Variants in KRT80 observed in about 807,000 individuals in gnomAD.
The protein encoded by KRT80 is keratin, type II cytoskeletal 80.
A neutral mutation model predicts 51.5 loss-of-function variants in KRT80; 36 were observed. The ratio of observed to expected loss-of-function variants is 0.70; its 90% CI spans 0.54 to 0.92. The LOEUF is 0.92. Ranked by LOEUF, KRT80 falls within the 40% of genes least tolerant of loss-of-function variation. The pLI is 0.00. For synonymous variants in KRT80, 235 were observed against 248.3 expected, an observed-to-expected ratio of 0.95 and a Z score of 0.50; for missense variants, 566 against 591.7, an observed-to-expected ratio of 0.96 and a Z score of 0.45.
chr12:52,181,729 G>C (rs1259630438), intron 2 of KRT80, among the ~76,000 whole-genome samples: 1 of 152,122 alleles, frequency 6.6e-6, no homozygotes, highest in Non-Finnish European at 1.5e-5. Flanking sequence ...CAAGGACACC[G>C]TTGGGTGGGG....
chr12:52,172,926 C>G, intron 6 of KRT80, 112 bp downstream of exon 6: 3 of 1,321,048 alleles, frequency 2.3e-6, no homozygotes, highest in Non-Finnish European at 3.1e-6. Flanking sequence ...CACAGAGGCG[C>G]TAAGCGACCC....
intron 2 of KRT80, among the ~76,000 whole-genome samples, chr12:52,184,015 G>T (rs1179770499): frequency 1.1e-5 from 1 of 89,730 alleles, no homozygotes; most frequent in East Asian, 2.3e-4. Flanking sequence ...CTCCGGAGGG[G>T]CGGTCAGATG....
intron 4 of KRT80, among the ~76,000 whole-genome samples, chr12:52,179,148 G>A (rs991678452): frequency 9.2e-5 from 14 of 152,212 alleles, no homozygotes; most frequent in Middle Eastern, 3.2e-3. Context: ...ATCTAGGCTC[G>A]GCAGAATCTG....
Position 52,180,574 on chromosome 12 carries a change from A to G in KRT80, c.605T>C (p.Leu202Pro). 6.7e-7 allele frequency: 1 copy of G among 1,492,152 alleles called. No individual in the cohort carries two copies. Among genetic ancestry groups the G allele is most frequent in the Non-Finnish European group, 8.9e-7 (1 of 1,121,496 alleles). The allele number at this position is 1,492,152 out of a possible 1,614,324, so 92.4% of individuals were successfully genotyped here. The part of the protein sequence containing the change: ...LDAECLHRTE[L>P]ETKLKSLESF... ...CTCCAGGCTTTTTAACTTGGTTTCC[A>G]GTTCAGTCCGATGAAGACACTCTGC... Residue 202 changes from leucine to proline, a missense_variant, in exon 4 of 9, where the codon CTG becomes CCG. Leu to Pro is a moderately conservative substitution (Grantham distance 98). Transcript: ENST00000394815.
intron 4 of KRT80, among the ~76,000 whole-genome samples, chr12:52,174,449 G>A (rs569374619): frequency 1.3e-5 from 2 of 152,212 alleles, no homozygotes; most frequent in African/African-American, 4.8e-5. Context: ...GAGACTCAGC[G>A]CCCACTCCCT....
chr12:52,182,754 C>A (rs1941344571), intron 2 of KRT80, among the ~76,000 whole-genome samples: 1 of 152,158 alleles, frequency 6.6e-6, no homozygotes, highest in African/African-American at 2.4e-5. Flanking sequence ...CTGGAGGGAG[C>A]ATCCTCACGG....
At chr12:52,176,776 C>T (rs1210814189) in intron 4 of KRT80, among the ~76,000 whole-genome samples, 4 of 152,192 alleles carry the variant, frequency 2.6e-5, no homozygotes, top group Admixed American at 6.5e-5. Context: ...CCACTGTGCC[C>T]GGCCAATCAC....
intron 1 of KRT80, among the ~76,000 whole-genome samples, chr12:52,190,788 G>A (rs534496126): frequency 6.6e-6 from 1 of 152,194 alleles, no homozygotes; most frequent in Admixed American, 6.5e-5. Context: ...AGGGTGCAGA[G>A]TCAGGAGGAG....
chr12:52,173,599 C>T lies in KRT80; in HGVS notation c.831+1G>A. 2.5e-6 allele frequency: 4 copies of T among 1,612,262 alleles called. No homozygotes were observed. The highest frequency in any genetic ancestry group is 3.4e-6 in the Non-Finnish European group (4 of 1,179,844). ...CTCGTGCCCTGTGTGGTCAGCCCCA[C>T]CTGGCTCCGAGAGTATGCCTCGGCC... On this transcript the variant is annotated splice_donor_variant, in intron 5 of 8. Transcript: ENST00000394815. LOFTEE classifies it high-confidence loss of function.
intron 6 of KRT80, 68 bp from the exon 7 acceptor site, chr12:52,172,486 G>A: frequency 1.4e-6 from 2 of 1,427,626 alleles, no homozygotes; most frequent in South Asian, 1.3e-5. Flanking sequence ...AGGGCCAGGA[G>A]TCGTCTCTGT....
chr12:52,189,988 A>G (rs2120951366), intron 1 of KRT80, among the ~76,000 whole-genome samples: 1 of 152,328 alleles, frequency 6.6e-6, no homozygotes, highest in Non-Finnish European at 1.5e-5. Flanking sequence ...CTTCTAAGGG[A>G]TTAAACTGGG....
At chr12:52,175,594 C>T (rs1941204644) in intron 4 of KRT80, among the ~76,000 whole-genome samples, 1 of 152,092 alleles carries the variant, frequency 6.6e-6, no homozygotes, top group Non-Finnish European at 1.5e-5. Context: ...ACTGACTCTG[C>T]CCACCAGCAC....
intron 2 of KRT80, among the ~76,000 whole-genome samples, chr12:52,182,621 G>C (rs191369283): frequency 6.6e-6 from 1 of 152,222 alleles, no homozygotes; most frequent in African/African-American, 2.4e-5. Context: ...CACAGCACAG[G>C]TGCCTCTCTG....
At chr12:52,185,341 T>C in intron 2 of KRT80, 38 bp downstream of exon 2, 3 of 1,573,426 alleles carry the variant, frequency 1.9e-6, no homozygotes, top group Non-Finnish European at 2.6e-6. Context: ...GTCCCAGCCC[T>C]CAGGCCTTGC....
At chr12:52,188,349 T>C (rs967252950) in intron 1 of KRT80, among the ~76,000 whole-genome samples, 2 of 152,262 alleles carry the variant, frequency 1.3e-5, no homozygotes, top group East Asian at 1.9e-4. Flanking sequence ...AGTTGAAAAG[T>C]AGGGCCAGGT....
chr12:52,183,474 A>G (rs1296494992), intron 2 of KRT80, among the ~76,000 whole-genome samples: 1 of 152,180 alleles, frequency 6.6e-6, no homozygotes, highest in East Asian at 1.9e-4. Flanking sequence ...TAGGCTCTGC[A>G]CAGTCAGGCT....
At position 52,182,423 on chromosome 12, in the gene KRT80, G is replaced by T. The variant is rs73309500; in HGVS notation, c.510-1460C>A. On this transcript the variant is annotated intron_variant, in intron 2 of 8. Transcript: ENST00000394815. ...GATGAAGCAAGGGGACCAGAGCCAG[G>T]CTACTTGGGCTGAAATCCTGGCTTC... 8.9e-3 allele frequency among the ~76,000 whole-genome samples: 1,355 copies of T among 152,320 alleles called. 12 individuals carry two copies. The highest frequency in any genetic ancestry group is 0.027 in the African/African-American group (1,102 of 41,558).
intron 4 of KRT80, among the ~76,000 whole-genome samples, chr12:52,175,161 A>T (rs1941197566): frequency 6.6e-6 from 1 of 152,198 alleles, no homozygotes. Context: ...AAACAAGGCC[A>T]GTATACTGCA....
chr12:52,174,078 G>A (rs1320749073), intron 4 of KRT80, among the ~76,000 whole-genome samples: 3 of 152,246 alleles, frequency 2.0e-5, no homozygotes, highest in African/African-American at 7.2e-5. Context: ...TCCTGGGAGG[G>A]ATGGCCTACT....
Sources: gnomAD v4.1 joint callset for allele counts (sites outside exome capture counted in the v4.1 genomes callset) on GRCh38, gnomAD v4.1.1 for gene constraint, MANE v1.5 for transcripts, NCBI Gene and HGNC (gene_info 2026-07-23, HGNC 2026-07-21) for gene names.